Variants in SLAIN2 observed in about 807,000 individuals in gnomAD.
SLAIN2 encodes the protein SLAIN motif-containing protein 2.
In SLAIN2, 31 loss-of-function variants were observed where a neutral mutation model predicts 56.6. The ratio of observed to expected loss-of-function variants is 0.55; its 90% CI spans 0.41 to 0.74. SLAIN2 has a LOEUF of 0.74. Ranked by LOEUF, SLAIN2 falls within the 30% of genes least tolerant of loss-of-function variation. SLAIN2 has a pLI of 0.00. For synonymous variants in SLAIN2, 317 were observed against 284.9 expected (o/e 1.11, Z -1.13); for missense variants, 777 against 754.2 (o/e 1.03, Z -0.35).
intron 1 of SLAIN2, among the ~76,000 whole-genome samples, chr4:48,346,269 C>A (rs1714862162): frequency 6.6e-6 from 1 of 151,960 alleles, no homozygotes; most frequent in South Asian, 2.1e-4. Flanking sequence ...ACCATATTTC[C>A]TTTTATCCAG....
intron 1 of SLAIN2, among the ~76,000 whole-genome samples, chr4:48,347,594 AATTATT>A (rs963755399): frequency 6.6e-6 from 1 of 152,202 alleles, no homozygotes; most frequent in Admixed American, 6.5e-5. Context: ...TTGGAGTTGT[AATTATT>A]ATTATTTTTA....
At chr4:48,377,872 AT>A (rs1480724190) in intron 2 of SLAIN2, 23 bp from the exon 3 acceptor site, 1 of 1,593,506 alleles carries the variant, frequency 6.3e-7, no homozygotes, top group Non-Finnish European at 8.5e-7. Context: ...GTTAAATTTG[AT>A]TTTCCCCTTC....
intron 1 of SLAIN2, among the ~76,000 whole-genome samples, chr4:48,349,448 A>G (rs570622498): frequency 7.7e-4 from 118 of 152,350 alleles, no homozygotes; most frequent in Admixed American, 1.6e-3. Context: ...TAATGGCAGT[A>G]TTGAATGTAT....
chr4:48,365,951 A>G (rs6816352), intron 1 of SLAIN2, among the ~76,000 whole-genome samples: 60,138 of 152,076 alleles, frequency 0.4, 12,201 homozygotes, highest in East Asian at 0.5. Flanking sequence ...TAAGTGTTTG[A>G]AATTACAAAT....
intron 6 of SLAIN2, chr4:48,394,605 A>G (rs1463341828): frequency 6.5e-6 from 10 of 1,535,944 alleles, no homozygotes; most frequent in African/African-American, 1.4e-5. Flanking sequence ...TTTGCCTCGC[A>G]CTTCCCTCAA....
At chr4:48,360,949 T>C (rs1715311674) in intron 1 of SLAIN2, among the ~76,000 whole-genome samples, 1 of 152,346 alleles carries the variant, frequency 6.6e-6, no homozygotes, top group Middle Eastern at 3.4e-3. Flanking sequence ...CAACACATTT[T>C]TAAATGTCTC....
chr4:48,390,685 T>C (rs772813134), intron 6 of SLAIN2, among the ~76,000 whole-genome samples: 3 of 152,212 alleles, frequency 2.0e-5, no homozygotes, highest in Non-Finnish European at 2.9e-5. Flanking sequence ...TGAAGTTACA[T>C]TGATCATTTT....
At chr4:48,386,176 C>CA (rs2109765748) in intron 6 of SLAIN2, among the ~76,000 whole-genome samples, 2 of 150,962 alleles carry the variant, frequency 1.3e-5, no homozygotes, top group East Asian at 3.9e-4. Context: ...TCCTTATTTA[C>CA]AAGGTGCATA....
At chr4:48,377,773 A>G in intron 2 of SLAIN2, 123 bp from the exon 3 acceptor site, 1 of 963,052 alleles carries the variant, frequency 1.0e-6, no homozygotes, top group Non-Finnish European at 1.6e-6. Flanking sequence ...CCCCACTACC[A>G]TAAGAATATT....
chr4:48,350,169 AC>A (rs1364617098), intron 1 of SLAIN2, among the ~76,000 whole-genome samples: 1 of 152,218 alleles, frequency 6.6e-6, no homozygotes, highest in Non-Finnish European at 1.5e-5. Context: ...GATAAGGAAC[AC>A]CAAAGTTGTA....
intron 6 of SLAIN2, among the ~76,000 whole-genome samples, chr4:48,385,638 CT>C (rs11423786): frequency 7.5e-5 from 11 of 145,866 alleles, no homozygotes; most frequent in South Asian, 6.5e-4. Context: ...CTTTTTTTTT[CT>C]TTTTTTTTTG....
chr4:48,420,829 C>CT (rs1560467903), intron 7 of SLAIN2, among the ~76,000 whole-genome samples: 5 of 152,058 alleles, frequency 3.3e-5, no homozygotes, highest in African/African-American at 1.2e-4. Context: ...GCTACCAAGT[C>CT]TGAGTATAAT....
chr4:48,402,972 C>T (rs996187437), intron 6 of SLAIN2, among the ~76,000 whole-genome samples: 26 of 152,274 alleles, frequency 1.7e-4, no homozygotes, highest in African/African-American at 6.3e-4. Context: ...TTCCATAGGG[C>T]TGCTATGGTT....
intron 2 of SLAIN2, among the ~76,000 whole-genome samples, chr4:48,373,474 CAT>C (rs1298154885): frequency 6.6e-6 from 1 of 152,050 alleles, no homozygotes; most frequent in Non-Finnish European, 1.5e-5. Context: ...TTCATTCATG[CAT>C]ATATTCAAAT....
At chr4:48,348,107 T>C (rs1287516651) in intron 1 of SLAIN2, among the ~76,000 whole-genome samples, 1 of 152,022 alleles carries the variant, frequency 6.6e-6, no homozygotes, top group African/African-American at 2.4e-5. Flanking sequence ...TTTTGAGTAT[T>C]TGAAGGACTC....
At chr4:48,376,494 A>G (rs1369740924) in intron 2 of SLAIN2, among the ~76,000 whole-genome samples, 1 of 150,050 alleles carries the variant, frequency 6.7e-6, no homozygotes, top group Non-Finnish European at 1.5e-5. Context: ...AAGAAATAGT[A>G]TTTTAAGTGT....
chr4:48,407,919 G>A (rs1716742472), intron 6 of SLAIN2, among the ~76,000 whole-genome samples: 2 of 152,126 alleles, frequency 1.3e-5, no homozygotes. Flanking sequence ...TGCCTATGTT[G>A]GACATTGGAT....
intron 4 of SLAIN2, among the ~76,000 whole-genome samples, chr4:48,380,510 A>C (rs1345249511): frequency 6.6e-6 from 1 of 152,174 alleles, no homozygotes; most frequent in Non-Finnish European, 1.5e-5. Context: ...AGAGTGAATG[A>C]TGAAAACTTT....
intron 5 of SLAIN2, 127 bp downstream of exon 5, chr4:48,383,054 G>C (rs1311862427): frequency 1.0e-6 from 1 of 993,556 alleles, no homozygotes; most frequent in African/African-American, 1.6e-5. Context: ...TATAGTCCTA[G>C]TGACTTGAGA....
Sources: gnomAD v4.1 joint callset for allele counts (sites outside exome capture counted in the v4.1 genomes callset) on GRCh38, gnomAD v4.1.1 for gene constraint, MANE v1.5 for transcripts, NCBI Gene and HGNC (gene_info 2026-07-23, HGNC 2026-07-21) for gene names.